Variants in PHF20 observed in about 807,000 individuals in gnomAD.
PHF20 encodes the protein glioma-expressed antigen 2.
Under a neutral mutation model 113.5 loss-of-function variants are expected in PHF20, and 23 were observed. That is an observed-to-expected ratio of 0.20 (90% confidence interval 0.15 to 0.29). The LOEUF is 0.29. Ranked by LOEUF, PHF20 falls within the 10% of genes least tolerant of loss-of-function variation. The probability of loss-of-function intolerance (pLI) is 1.00; values close to 1 mark genes in which losing one functional copy is unlikely to be tolerated. For missense variants in PHF20, 943 were observed against 1,219.6 expected (o/e 0.77, Z 3.38); for synonymous variants, 434 against 457.3 (o/e 0.95, Z 0.65).
At chr20:35,804,003 C>T (rs886336717) in intron 2 of PHF20, among the ~76,000 whole-genome samples, 1 of 151,838 alleles carries the variant, frequency 6.6e-6, no homozygotes, top group Non-Finnish European at 1.5e-5. Flanking sequence ...TACATCTTAA[C>T]TTCTGTATAG....
chr20:35,822,155 G>C (rs891226176), intron 2 of PHF20, among the ~76,000 whole-genome samples: 1 of 152,180 alleles, frequency 6.6e-6, no homozygotes, highest in African/African-American at 2.4e-5. Context: ...TGTAATCCCA[G>C]GACTTTGGGA....
intron 10 of PHF20, among the ~76,000 whole-genome samples, chr20:35,910,289 G>T (rs1371963977): frequency 6.6e-6 from 1 of 152,112 alleles, no homozygotes; most frequent in Non-Finnish European, 1.5e-5. Context: ...CTGCTTAATG[G>T]TAAAGGGTTT....
intron 10 of PHF20, among the ~76,000 whole-genome samples, chr20:35,911,737 C>T (rs1045803692): frequency 6.6e-6 from 1 of 152,168 alleles, no homozygotes; most frequent in Non-Finnish European, 1.5e-5. Flanking sequence ...GGGCTCACTG[C>T]AACCTCCGCC....
chr20:35,793,995 C>CAAAAAAAAAAA lies in PHF20; in HGVS notation c.-32-7484_-32-7474dup, dbSNP rs56189104. Among the ~76,000 whole-genome samples, 237 of 33,804 alleles carry CAAAAAAAAAAA rather than the reference C, an allele frequency of 7.0e-3. 19 individuals carry two copies. Among genetic ancestry groups the CAAAAAAAAAAA allele is most frequent in the African/African-American group, 0.016 (126 of 7,870 alleles). The allele number at this position is 33,804 out of a possible 152,430, so 22.2% of individuals were successfully genotyped here. A position where few individuals can be genotyped will look rare whatever the true frequency, so the allele number is the denominator to read the frequency against. ...GGGCGACAAGAGCGGGACTCTGTCTCAAAAAAAAAAAAAAAAAAAAAAGGC... is the reference window on the plus strand; with the variant it reads ...GGGCGACAAGAGCGGGACTCTGTCTCAAAAAAAAAAAAAAAAAAAAAAAAAAAAAAAAAGGC... On this transcript the variant is annotated intron_variant, in intron 1 of 17. Transcript: ENST00000374012.
Position 35,869,600 on chromosome 20 carries a change from G to A in PHF20, c.922+49G>A, listed in dbSNP as rs368050465. On this transcript the variant is annotated intron_variant, in intron 7 of 17. Transcript: ENST00000374012. Reference sequence around the variant, plus strand: ...GTGGCTAGAATTTGACGTTGTTTGGGTCAACTTCCTCTATATTCATCCTGT... The same window carrying A: ...GTGGCTAGAATTTGACGTTGTTTGGATCAACTTCCTCTATATTCATCCTGT... 2.0e-5 allele frequency: 19 copies of A among 962,582 alleles called. No individual in the cohort carries two copies. In the African/African-American group the frequency reaches 2.1e-4, roughly 11 times the overall value. The allele number at this position is 962,582 out of a possible 1,614,324, so 59.6% of individuals were successfully genotyped here.
At chr20:35,817,114 T>A (rs189787582) in intron 2 of PHF20, among the ~76,000 whole-genome samples, 223 of 151,736 alleles carry the variant, frequency 1.5e-3, no homozygotes, top group African/African-American at 5.0e-3. Context: ...TGTTTTTTTT[T>A]AATCTGTTAT....
rs150641442 is a variant in PHF20 at position 35,891,167 on chromosome 20, A to G, written c.1283-8203A>G. On this transcript the variant is annotated intron_variant, in intron 9 of 17. Coordinates refer to ENST00000374012, the MANE Select transcript of PHF20 (RefSeq NM_016436.5). ...CAAGGTGGGTGGATCACTTGCAGTC[A>G]GGAGTTTGAGACCAGCCTGTCGTAA... Among the ~76,000 whole-genome samples, 57 of 152,310 alleles carry G rather than the reference A, an allele frequency of 3.7e-4. 1 individual carries two copies. In the East Asian group the frequency reaches 0.01, roughly 27 times the overall value.
At chr20:35,861,250 G>C (rs1422445043) in intron 5 of PHF20, among the ~76,000 whole-genome samples, 2 of 150,616 alleles carry the variant, frequency 1.3e-5, no homozygotes, top group African/African-American at 2.4e-5. Context: ...TACGTTTACT[G>C]TAGAAAAATA....
intron 2 of PHF20, among the ~76,000 whole-genome samples, chr20:35,828,220 C>T (rs908901470): frequency 6.6e-6 from 1 of 152,042 alleles, no homozygotes; most frequent in Non-Finnish European, 1.5e-5. Context: ...GACGGAGTTT[C>T]TCCATTTTAG....
chr20:35,806,350 G>A lies in PHF20; in HGVS notation c.83+4745G>A, dbSNP rs574044305. On this transcript the variant is annotated intron_variant, in intron 2 of 17. Coordinates refer to ENST00000374012, the MANE Select transcript of PHF20 (RefSeq NM_016436.5). ...AATTTTTTGTATTTTTAGTGGAGAT[G>A]AGGTTTCACTATGTTGGCCAAGCTG... Among the ~76,000 whole-genome samples, 44 of 149,082 alleles carry A rather than the reference G, an allele frequency of 3.0e-4. 1 individual carries two copies. In the South Asian group the frequency reaches 9.4e-3, roughly 32 times the overall value.
chr20:35,914,878 C>T (rs2055372703), intron 12 of PHF20, among the ~76,000 whole-genome samples: 1 of 149,140 alleles, frequency 6.7e-6, no homozygotes, highest in South Asian at 2.1e-4. Context: ...GCAGGAGAAT[C>T]GTTTGAATCT....
Position 35,871,117 on chromosome 20 carries a change from C to T in PHF20, c.1085C>T (p.Thr362Ile), listed in dbSNP as rs747769162. 4.7e-5 allele frequency: 75 copies of T among 1,609,244 alleles called. 1 individual carries two copies. The South Asian group carries it at 7.9e-4, about 17-fold the overall frequency. Reference protein sequence around the residue: ...TDPLQDTLSSTKESEEGQLKS... With the variant: ...TDPLQDTLSSIKESEEGQLKS... ...CCTTTGCAAGACACGTTGTCTAGTA[C>T]CAAGGAATCTGAAGAAGGTGAGTCA... Residue 362 changes from threonine (T) to isoleucine (I), a missense_variant, in exon 8 of 18, where the codon ACC (threonine) becomes ATC (isoleucine). Coordinates refer to ENST00000374012, the MANE Select transcript of PHF20 (RefSeq NM_016436.5).
intron 9 of PHF20, among the ~76,000 whole-genome samples, chr20:35,876,528 G>T (rs1023431831): frequency 6.6e-6 from 1 of 152,106 alleles, no homozygotes; most frequent in Admixed American, 6.5e-5. Flanking sequence ...CCGAGATTGC[G>T]CCCCTGCACC....
chr20:35,912,358 T>A (rs937110422), intron 10 of PHF20, among the ~76,000 whole-genome samples: 4 of 152,194 alleles, frequency 2.6e-5, no homozygotes, highest in Non-Finnish European at 4.4e-5. Context: ...CTTTTTAGAA[T>A]GTAATTAGGA....
At chr20:35,851,911 C>T (rs537364953) in intron 4 of PHF20, among the ~76,000 whole-genome samples, 10 of 150,412 alleles carry the variant, frequency 6.6e-5, no homozygotes, top group South Asian at 4.2e-4. Flanking sequence ...AGCGAGACTC[C>T]GTCTCCAAAA....
intron 3 of PHF20, among the ~76,000 whole-genome samples, chr20:35,845,780 CTTTTTTTTT>C (rs398061407): frequency 2.2e-5 from 3 of 135,286 alleles, no homozygotes; most frequent in African/African-American, 8.2e-5. Flanking sequence ...ATTTTTCTTT[CTTTTTTTTT>C]TTTTTTTTGA....
intron 4 of PHF20, among the ~76,000 whole-genome samples, chr20:35,852,396 G>T (rs1254031225): frequency 1.3e-5 from 2 of 152,176 alleles, no homozygotes; most frequent in Non-Finnish European, 2.9e-5. Context: ...ATTATGGGCG[G>T]TTCACTGCCT....
intron 2 of PHF20, among the ~76,000 whole-genome samples, chr20:35,805,475 C>T (rs376541460): frequency 6.0e-5 from 9 of 150,602 alleles, no homozygotes; most frequent in South Asian, 4.2e-4. Flanking sequence ...CTCCGCCTCC[C>T]GGGTTCACGC....
At chr20:35,863,696 G>A (rs1299836669) in intron 6 of PHF20, among the ~76,000 whole-genome samples, 2 of 152,144 alleles carry the variant, frequency 1.3e-5, no homozygotes, top group Non-Finnish European at 2.9e-5. Context: ...TTTTGCTTAT[G>A]CTTTTTCAAA....
Sources: allele counts gnomAD v4.1 joint callset (sites outside exome capture counted in the v4.1 genomes callset), GRCh38; gene constraint gnomAD v4.1.1; transcripts MANE v1.5; gene names NCBI Gene and HGNC (gene_info 2026-07-23, HGNC 2026-07-21).